NOL4: variants seen among roughly 807,000 people sequenced by gnomAD.
The protein encoded by NOL4 is cancer/testis antigen 125.
A neutral mutation model predicts 75.9 loss-of-function variants in NOL4; 17 were observed. The ratio of observed to expected loss-of-function variants is 0.22; its 90% CI spans 0.15 to 0.34. The LOEUF is 0.34. Among genes scored for constraint, NOL4 ranks in the 10% least tolerant of loss-of-function variants. The probability of loss-of-function intolerance (pLI) is 1.00; values close to 1 mark genes in which losing one functional copy is unlikely to be tolerated. For synonymous variants in NOL4, 292 were observed against 289.9 expected (o/e 1.01, Z -0.07); for missense variants, 614 against 793.5 (o/e 0.77, Z 2.72).
intron 1 of NOL4, among the ~76,000 whole-genome samples, chr18:34,142,598 G>A (rs1026049548): frequency 1.3e-5 from 2 of 151,974 alleles, no homozygotes; most frequent in African/African-American, 2.4e-5. Context: ...ACCAAACATC[G>A]CATGTTCTCA....
At chr18:33,927,795 G>T (rs1413268725) in intron 9 of NOL4, among the ~76,000 whole-genome samples, 2 of 151,792 alleles carry the variant, frequency 1.3e-5, no homozygotes, top group Non-Finnish European at 2.9e-5. Context: ...AAACACTAAT[G>T]CCCCAAAGTG....
At chr18:33,937,111 C>CA (rs1285620254) in intron 9 of NOL4, among the ~76,000 whole-genome samples, 2 of 151,910 alleles carry the variant, frequency 1.3e-5, no homozygotes, top group Non-Finnish European at 2.9e-5. Context: ...GTAAAAAATA[C>CA]AAATTTTATG....
intron 5 of NOL4, among the ~76,000 whole-genome samples, chr18:34,081,925 A>G (rs1296505169): frequency 2.0e-5 from 3 of 152,192 alleles, no homozygotes; most frequent in African/African-American, 7.2e-5. Context: ...CCTGTTTTAG[A>G]GAGCTAGACA....
chr18:33,951,712 A>C (rs1600015125), intron 8 of NOL4, among the ~76,000 whole-genome samples: 1 of 152,174 alleles, frequency 6.6e-6, no homozygotes, highest in East Asian at 1.9e-4. Context: ...TCCTTGCCTG[A>C]ATATTATATT....
rs375681459 is a variant in NOL4 at position 34,009,157 on chromosome 18, G to T, written c.1056+10161C>A. On this transcript the variant is annotated intron_variant, in intron 6 of 10. Coordinates refer to ENST00000261592, the MANE Select transcript of NOL4 (RefSeq NM_003787.5). ...GATAGATTCCAATGGGGTCAGGAAA[G>T]ATATTAAGGAGCAGAGATAAGACAT... 1.4e-4 allele frequency among the ~76,000 whole-genome samples: 22 copies of T among 151,900 alleles called. No individual in the cohort carries two copies. The East Asian group carries it at 2.3e-3, about 16-fold the overall frequency.
intron 5 of NOL4, among the ~76,000 whole-genome samples, chr18:34,046,618 A>ATATATATATATGTATATATATATG (rs2076384529): frequency 8.7e-6 from 1 of 114,416 alleles, no homozygotes; most frequent in Non-Finnish European, 2.0e-5. Context: ...ATATATATAT[A>ATATATATATATGTATATATATATG]TATATATATA....
chr18:34,046,020 T>C (rs2076347834), intron 5 of NOL4, among the ~76,000 whole-genome samples: 1 of 152,172 alleles, frequency 6.6e-6, no homozygotes, highest in South Asian at 2.1e-4. Context: ...ATGTTTCATG[T>C]GTTTGTTTGT....
intron 1 of NOL4, among the ~76,000 whole-genome samples, chr18:34,195,627 CA>C (rs1246973156): frequency 0.014 from 1,507 of 107,594 alleles, 18 homozygotes; most frequent in African/African-American, 0.034. Flanking sequence ...TGTTACTTTT[CA>C]AAAAAAAAAA....
intron 1 of NOL4, among the ~76,000 whole-genome samples, chr18:34,180,986 A>C: frequency 6.6e-6 from 1 of 151,626 alleles, no homozygotes; most frequent in Non-Finnish European, 1.5e-5. Context: ...TTATGATGGC[A>C]ATACTCTATA....
In NOL4 at chr18:34,087,389, G is replaced by A. The variant is rs113089426; in HGVS notation, c.772+6076C>T. On this transcript the variant is annotated intron_variant, in intron 5 of 10. Transcript: ENST00000261592. ...TGAAAAGAGGATTGTGATAATTTTC[G>A]AGTGTACAAGTCAAGAGATACACAA... Among the ~76,000 whole-genome samples, 1,422 of 152,024 alleles carry A rather than the reference G, an allele frequency of 9.4e-3. 13 individuals carry two copies. Among genetic ancestry groups the A allele is most frequent in the South Asian group, 0.021 (101 of 4,812 alleles).
intron 1 of NOL4, among the ~76,000 whole-genome samples, chr18:34,149,618 CTA>C (rs1301952831): frequency 6.6e-6 from 1 of 151,586 alleles, no homozygotes; most frequent in African/African-American, 2.4e-5. Flanking sequence ...TCATCATACC[CTA>C]TGTTTTTATT....
At chr18:34,186,357 C>G (rs1161014937) in intron 1 of NOL4, among the ~76,000 whole-genome samples, 1 of 152,008 alleles carries the variant, frequency 6.6e-6, no homozygotes, top group East Asian at 1.9e-4. Context: ...GTTCTAGGAC[C>G]CTGTGTAATT....
intron 5 of NOL4, among the ~76,000 whole-genome samples, chr18:34,088,469 C>A (rs769256768): frequency 1.3e-4 from 20 of 152,014 alleles, no homozygotes; most frequent in Admixed American, 5.9e-4. Context: ...AAATGGCTGG[C>A]AGAACAAGAA....
intron 9 of NOL4, among the ~76,000 whole-genome samples, chr18:33,928,224 C>G (rs904445677): frequency 7.2e-5 from 11 of 152,172 alleles, no homozygotes; most frequent in Non-Finnish European, 1.6e-4. Context: ...GTTTCCCTGT[C>G]TTTGGCACCA....
intron 5 of NOL4, among the ~76,000 whole-genome samples, chr18:34,037,796 A>G (rs1283344601): frequency 6.6e-6 from 1 of 152,162 alleles, no homozygotes; most frequent in Non-Finnish European, 1.5e-5. Flanking sequence ...ACCCAAAATT[A>G]TAAAACCACT....
intron 2 of NOL4, among the ~76,000 whole-genome samples, chr18:34,112,853 G>T (rs1028722649): frequency 3.9e-5 from 6 of 152,312 alleles, no homozygotes; most frequent in Non-Finnish European, 8.8e-5. Context: ...AATCTCAAGT[G>T]TTACCACATG....
At chr18:33,879,837 T>C (rs1213408591) in intron 10 of NOL4, among the ~76,000 whole-genome samples, 2 of 152,078 alleles carry the variant, frequency 1.3e-5, no homozygotes, top group African/African-American at 4.8e-5. Flanking sequence ...TGAGCATATC[T>C]CTTTCTGTAA....
chr18:34,206,155 C>G (rs2146523720), intron 1 of NOL4, among the ~76,000 whole-genome samples: 1 of 152,216 alleles, frequency 6.6e-6, no homozygotes, highest in Non-Finnish European at 1.5e-5. Flanking sequence ...TTCCAGACAA[C>G]TTTCTCTTAC....
chr18:33,995,748 T>G (rs2073236079), intron 6 of NOL4, among the ~76,000 whole-genome samples: 1 of 151,934 alleles, frequency 6.6e-6, no homozygotes, highest in Admixed American at 6.6e-5. Context: ...ATGTCATTTT[T>G]TATTGATTTC....
Sources: gnomAD v4.1 joint callset for allele counts (sites outside exome capture counted in the v4.1 genomes callset) on GRCh38, gnomAD v4.1.1 for gene constraint, MANE v1.5 for transcripts, NCBI Gene and HGNC (gene_info 2026-07-23, HGNC 2026-07-21) for gene names.